FREY1: variants seen among roughly 807,000 people sequenced by gnomAD.
FREY1 encodes the protein Frey regulator of sperm-oocyte fusion 1, also known as protein Frey 1.
At chr11:45,907,107 C>G in the FREY1 span, 194 of 1,542,402 alleles carry the variant, frequency 1.3e-4, no homozygotes, top group African/African-American at 2.2e-3. Flanking sequence ...CTCCACCATC[C>G]GGCCCAAGTG....
At chr11:45,906,860 A>AGAT in the FREY1 span, 1 of 1,613,696 alleles carries the variant, frequency 6.2e-7, no homozygotes, top group Non-Finnish European at 8.5e-7. Flanking sequence ...GGGACAAGAG[A>AGAT]GATACTACCA....
chr11:45,906,894 C>A, the FREY1 span: 1 of 1,613,788 alleles, frequency 6.2e-7, no homozygotes, highest in Non-Finnish European at 8.5e-7. Context: ...AAAGTGGCTG[C>A]GAGAGTTCCA....
the FREY1 span, chr11:45,907,094 C>T: frequency 3.7e-5 from 57 of 1,531,818 alleles, no homozygotes; most frequent in Non-Finnish European, 5.0e-5. Flanking sequence ...GGAGGGGCAG[C>T]ACCTCCACCA....
the FREY1 span, chr11:45,906,873 C>T: frequency 1.2e-6 from 2 of 1,613,832 alleles, no homozygotes; most frequent in South Asian, 1.1e-5. Flanking sequence ...TACTACCATC[C>T]ACCAGGCCGG....
At chr11:45,907,010 G>A in the FREY1 span, 50 of 1,586,224 alleles carry the variant, frequency 3.2e-5, no homozygotes, top group African/African-American at 5.7e-4. Context: ...TGAATGGGGG[G>A]ATGGCTCAGT....
chr11:45,906,901 T>G, the FREY1 span: 1 of 1,613,782 alleles, frequency 6.2e-7, no homozygotes, highest in Non-Finnish European at 8.5e-7. Context: ...CTGCGAGAGT[T>G]CCAGGGGGGC....
the FREY1 span, chr11:45,906,808 C>T: frequency 8.1e-6 from 13 of 1,609,644 alleles, no homozygotes; most frequent in Non-Finnish European, 1.0e-5. Flanking sequence ...ACTTGGGGCA[C>T]CTCTTAGGGG....
At chr11:45,906,631 C>A in the FREY1 span, 2 of 1,596,654 alleles carry the variant, frequency 1.3e-6, no homozygotes, top group Non-Finnish European at 1.7e-6. Context: ...CGCTGCTGGG[C>A]CCTAGACAGG....
At chr11:45,906,923 C>T in the FREY1 span, 1 of 1,613,812 alleles carries the variant, frequency 6.2e-7, no homozygotes, top group Non-Finnish European at 8.5e-7. Flanking sequence ...GAAAATGCCT[C>T]AGGAACAGAC....
At chr11:45,907,174 T>C in the FREY1 span, 1 of 1,557,386 alleles carries the variant, frequency 6.4e-7, no homozygotes, top group Non-Finnish European at 8.7e-7. Flanking sequence ...GCAGTGCCAC[T>C]GCCAGGATGA....
the FREY1 span, chr11:45,906,568 G>A: frequency 1.3e-6 from 2 of 1,542,480 alleles, no homozygotes; most frequent in Non-Finnish European, 8.7e-7. Flanking sequence ...AGGGCCTTGG[G>A]TCATAGGTGT....
At chr11:45,906,622 G>A in the FREY1 span, 22 of 1,591,090 alleles carry the variant, frequency 1.4e-5, no homozygotes, top group African/African-American at 1.1e-4. Context: ...TCCCGCTTGC[G>A]CTGCTGGGCC....
At chr11:45,907,265 T>C in the FREY1 span, 57 of 1,518,690 alleles carry the variant, frequency 3.8e-5, no homozygotes, top group Non-Finnish European at 4.9e-5. Flanking sequence ...GGGTCCTGGC[T>C]CCTGTCGTCC....
At chr11:45,906,672 T>C in the FREY1 span, 1 of 1,587,306 alleles carries the variant, frequency 6.3e-7, no homozygotes, top group Non-Finnish European at 8.6e-7. Flanking sequence ...CCTTGGGTGC[T>C]TGGGGAGGAT....
chr11:45,907,121 TG>T, the FREY1 span: 28 of 1,550,000 alleles, frequency 1.8e-5, no homozygotes, highest in African/African-American at 3.7e-4. Context: ...CCAAGTGCCC[TG>T]CCCTCTGTGC....
chr11:45,907,059 C>G, the FREY1 span: 1 of 1,531,552 alleles, frequency 6.5e-7, no homozygotes, highest in Non-Finnish European at 9.0e-7. Context: ...CCCAGGGTAC[C>G]AGGGCCAGCC....
chr11:45,907,234 G>A, the FREY1 span: 1 of 1,551,214 alleles, frequency 6.4e-7, no homozygotes, highest in Admixed American at 2.0e-5. Flanking sequence ...CCCCCAGCAT[G>A]GCGAGAACCA....
the FREY1 span, chr11:45,906,726 C>G: frequency 6.3e-5 from 99 of 1,575,270 alleles, no homozygotes; most frequent in Non-Finnish European, 8.0e-5. Context: ...TGGTAGGGGG[C>G]AGCTGGCTCT....
the FREY1 span, chr11:45,906,735 C>T: frequency 2.2e-5 from 35 of 1,576,628 alleles, 1 homozygote; most frequent in South Asian, 4.1e-4. Context: ...GCAGCTGGCT[C>T]TGATGGAACT....
Sources: allele counts gnomAD v4.1 joint callset, GRCh38; gene constraint gnomAD v4.1.1; transcripts MANE v1.5; gene names NCBI Gene and HGNC (gene_info 2026-07-23, HGNC 2026-07-21).